The following LRRC1 variants were observed in gnomAD, a reference collection of about 807,000 sequenced individuals.
LRRC1 encodes leucine-rich repeat-containing protein 1.
A neutral mutation model predicts 69.9 loss-of-function variants in LRRC1; 28 were observed. That is an observed-to-expected ratio of 0.40 (90% CI 0.30 to 0.55). LRRC1 has a LOEUF of 0.55. Among genes scored for constraint, LRRC1 ranks in the 20% least tolerant of loss-of-function variants. The pLI, the probability that LRRC1 is intolerant of heterozygous loss-of-function variation, is 0.47. For missense variants in LRRC1, 498 were observed against 609.0 expected (o/e 0.82, Z 1.92); for synonymous variants, 236 against 240.2 (o/e 0.98, Z 0.16).
Position 53,919,489 on chromosome 6 carries a change from A to C in LRRC1, c.1107-9A>C, listed in dbSNP as rs767021937. On this transcript the variant is annotated splice_polypyrimidine_tract_variant and intron_variant, in intron 11 of 13. Transcript: ENST00000370888. ...ATGTCTCTTTTTTTAAAAAAAAAAA[A>C]AAAAACAGGTTGCTGCATCTACCTT... The C allele has an allele frequency of 2.9e-5, 44 of 1,509,806 alleles. No individual in the cohort carries two copies. The Middle Eastern group carries it at 5.3e-4, about 18-fold the overall frequency. The allele number at this position is 1,509,806 out of a possible 1,614,324, so 93.5% of individuals were successfully genotyped here.
intron 2 of LRRC1, among the ~76,000 whole-genome samples, chr6:53,861,639 T>C (rs1766525787): frequency 6.6e-6 from 1 of 152,066 alleles, no homozygotes; most frequent in Admixed American, 6.6e-5. Context: ...GTGGTGAGAC[T>C]ATTGAGAATC....
intron 1 of LRRC1, among the ~76,000 whole-genome samples, chr6:53,828,169 C>CAAAAAAAA (rs35639473): frequency 1.5e-5 from 2 of 135,248 alleles, no homozygotes; most frequent in Non-Finnish European, 1.6e-5. Context: ...GTTCAAAGGC[C>CAAAAAAAA]AAAAAAAAAA....
At chr6:53,802,763 T>A (rs1205645507) in intron 1 of LRRC1, among the ~76,000 whole-genome samples, 3 of 152,208 alleles carry the variant, frequency 2.0e-5, no homozygotes, top group South Asian at 4.1e-4. Context: ...TTTAGTTTCA[T>A]CATCCTGTGC....
rs749664287 is a variant in LRRC1 at position 53,878,973 on chromosome 6, C to A, written c.278-20C>A. On this transcript the variant is annotated intron_variant, in intron 2 of 13. Coordinates refer to ENST00000370888, the MANE Select transcript of LRRC1 (RefSeq NM_018214.5). ...GTTAATAATGGTGGCAAATTATAGA[C>A]ATTTTCTCTACTCCTGCAGAGATTC... The A allele has an allele frequency of 6.0e-5, 91 of 1,526,178 alleles. 1 individual carries two copies. The highest frequency in any genetic ancestry group is 8.1e-5 in the Non-Finnish European group (89 of 1,103,428). 94.5% of individuals were successfully genotyped at this position (1,526,178 alleles called of 1,614,324 possible). A position where few individuals can be genotyped will look rare whatever the true frequency, so the allele number is the denominator to read the frequency against.
At chr6:53,840,928 G>GTGCA (rs1765768058) in intron 1 of LRRC1, among the ~76,000 whole-genome samples, 2 of 62,602 alleles carry the variant, frequency 3.2e-5, no homozygotes, top group African/African-American at 4.3e-5. Flanking sequence ...GTGTGTGTGT[G>GTGCA]CGTGCGCGCA....
intron 1 of LRRC1, among the ~76,000 whole-genome samples, chr6:53,797,596 C>T (rs1764339957): frequency 6.6e-6 from 1 of 152,176 alleles, no homozygotes; most frequent in Non-Finnish European, 1.5e-5. Flanking sequence ...TGTTCACAAG[C>T]CTCAAAGGTC....
chr6:53,840,227 C>A (rs370979358), intron 1 of LRRC1, among the ~76,000 whole-genome samples: 1 of 152,154 alleles, frequency 6.6e-6, no homozygotes, highest in Admixed American at 6.5e-5. Flanking sequence ...ATTCTGTAAT[C>A]ATACTTAATT....
At chr6:53,833,461 A>C (rs1415954343) in intron 1 of LRRC1, among the ~76,000 whole-genome samples, 1 of 152,246 alleles carries the variant, frequency 6.6e-6, no homozygotes, top group African/African-American at 2.4e-5. Flanking sequence ...AGCAAATGAG[A>C]GGATAAAGGT....
At chr6:53,884,165 A>G in intron 4 of LRRC1, 2 of 600,204 alleles carry the variant, frequency 3.3e-6, no homozygotes, top group Non-Finnish European at 5.9e-6. Context: ...AATTTCATGC[A>G]TGTACAATTC....
At chr6:53,913,681 G>A (rs138570944) in intron 10 of LRRC1, among the ~76,000 whole-genome samples, 173 bp from the exon 11 acceptor site, 27 of 152,182 alleles carry the variant, frequency 1.8e-4, no homozygotes, top group African/African-American at 5.8e-4. Context: ...GAACATATGG[G>A]GCTGCGTTTT....
At chr6:53,810,515 G>A (rs1764761744) in intron 1 of LRRC1, among the ~76,000 whole-genome samples, 1 of 152,088 alleles carries the variant, frequency 6.6e-6, no homozygotes, top group Admixed American at 6.5e-5. Context: ...AGCTACTTGG[G>A]AGGCTGAGGC....
At chr6:53,897,686 T>G (rs1767920496) in intron 7 of LRRC1, among the ~76,000 whole-genome samples, 1 of 152,232 alleles carries the variant, frequency 6.6e-6, no homozygotes, top group Non-Finnish European at 1.5e-5. Flanking sequence ...ATTCTGATGG[T>G]ATACCTTTCC....
intron 13 of LRRC1, among the ~76,000 whole-genome samples, chr6:53,921,801 A>T (rs1768750658): frequency 6.6e-6 from 1 of 152,172 alleles, no homozygotes; most frequent in African/African-American, 2.4e-5. Context: ...GATTTTAGGC[A>T]TTTACAATCG....
At chr6:53,841,385 T>A (rs1765785268) in intron 1 of LRRC1, among the ~76,000 whole-genome samples, 1 of 152,338 alleles carries the variant, frequency 6.6e-6, no homozygotes, top group South Asian at 2.1e-4. Context: ...AATTTGTTTG[T>A]TAGTTACCAT....
At chr6:53,812,162 A>G (rs971555561) in intron 1 of LRRC1, among the ~76,000 whole-genome samples, 5 of 152,188 alleles carry the variant, frequency 3.3e-5, no homozygotes, top group African/African-American at 1.2e-4. Context: ...TTTGGCTTCT[A>G]TTTTGTAGGG....
intron 1 of LRRC1, among the ~76,000 whole-genome samples, chr6:53,800,338 G>A (rs199584922): frequency 7.7e-6 from 1 of 130,642 alleles, no homozygotes; most frequent in East Asian, 2.4e-4. Context: ...TGCAACCTCC[G>A]TCTCCTGGTT....
At chr6:53,807,647 AG>A (rs1764670511) in intron 1 of LRRC1, among the ~76,000 whole-genome samples, 1 of 150,964 alleles carries the variant, frequency 6.6e-6, no homozygotes, top group African/African-American at 2.4e-5. Flanking sequence ...TGGCAGGCTG[AG>A]GCAGAAGAAT....
chr6:53,895,348 TC>T (rs764573325), intron 4 of LRRC1, among the ~76,000 whole-genome samples: 1 of 152,258 alleles, frequency 6.6e-6, no homozygotes, highest in Non-Finnish European at 1.5e-5. Context: ...AAATATATTT[TC>T]TGGCAAACAG....
chr6:53,849,465 C>T (rs1766058323), intron 2 of LRRC1, among the ~76,000 whole-genome samples: 1 of 152,224 alleles, frequency 6.6e-6, no homozygotes, highest in Admixed American at 6.5e-5. Flanking sequence ...GTGCTCACAT[C>T]ATTTTGATTT....
Sources: allele counts gnomAD v4.1 joint callset (sites outside exome capture counted in the v4.1 genomes callset), GRCh38; gene constraint gnomAD v4.1.1; transcripts MANE v1.5; gene names NCBI Gene and HGNC (gene_info 2026-07-23, HGNC 2026-07-21).